CMIP: variants seen among roughly 807,000 people sequenced by gnomAD.
The protein encoded by CMIP is C-Maf-inducing protein.
CMIP carries 13 observed loss-of-function variants against 97.3 expected under a neutral mutation model. The observed-to-expected ratio is 0.13, with a 90% CI of 0.09 to 0.21. The LOEUF is 0.21. CMIP is among the 10% of genes least tolerant of loss of function. The pLI, the probability that CMIP is intolerant of heterozygous loss-of-function variation, is 1.00. For synonymous variants in CMIP, 538 were observed against 436.3 expected (o/e 1.23, Z -2.91); for missense variants, 847 against 1,024.9 (o/e 0.83, Z 2.37).
At chr16:81,681,804 C>G (rs1238395272) in intron 10 of CMIP, among the ~76,000 whole-genome samples, 1 of 152,036 alleles carries the variant, frequency 6.6e-6, no homozygotes, top group Non-Finnish European at 1.5e-5. Context: ...CTCCTCTGGG[C>G]CTCAGTTTTC....
In CMIP at chr16:81,571,776, C is replaced by A. The variant is rs574328172; in HGVS notation, c.301-35791C>A. 2.0e-5 allele frequency among the ~76,000 whole-genome samples: 3 copies of A among 152,260 alleles called. No homozygotes were observed. In the East Asian group the frequency reaches 5.8e-4, roughly 29 times the overall value. On this transcript the variant is annotated intron_variant, in intron 1 of 20. Transcript: ENST00000537098. ...CCATTCAGCACCATGGCTGCTCATA[C>A]CCTGCCTCGACCGTGCGCGGGAGCC...
At position 81,568,427 on chromosome 16, in the gene CMIP, G is replaced by T. The variant is rs371438521; in HGVS notation, c.301-39140G>T. ...GATCAGCAAAAGCCTCAAAGTCCGT[G>T]GGCCGTGTGTCTCCCATCTCATTGT... On this transcript the variant is annotated intron_variant, in intron 1 of 20. Transcript: ENST00000537098. Among the ~76,000 whole-genome samples, 10 of 152,270 alleles carry T rather than the reference G, an allele frequency of 6.6e-5. No individual in the cohort carries two copies. In the South Asian group the frequency reaches 1.9e-3, roughly 28 times the overall value.
intron 17 of CMIP, among the ~76,000 whole-genome samples, chr16:81,703,287 G>T (rs73602424): frequency 1.6e-4 from 24 of 151,898 alleles, no homozygotes; most frequent in Non-Finnish European, 3.1e-4. Context: ...CCTTCATTCC[G>T]GGCAGCCACA....
intron 18 of CMIP, 114 bp from the exon 19 acceptor site, chr16:81,705,385 A>T (rs1027614144): frequency 1.4e-6 from 1 of 720,558 alleles, no homozygotes; most frequent in African/African-American, 1.8e-5. Flanking sequence ...TTGGTGGGCC[A>T]TGGGCCTCAG....
chr16:81,445,525 G>A lies in CMIP; in HGVS notation c.284G>A (p.Ser95Asn). 7 of 1,548,702 alleles carry A rather than the reference G, an allele frequency of 4.5e-6. No individual in the cohort carries two copies. Among genetic ancestry groups the A allele is most frequent in the Non-Finnish European group, 6.1e-6 (7 of 1,146,758 alleles). Residue 95 changes from serine (S) to asparagine (N), a missense_variant, in exon 1 of 21, where the codon AGC becomes AAC. Physicochemically the swap from Ser to Asn is conservative, Grantham distance 46. This residue lies in a region of CMIP where 285 missense variants were observed against 392.2 expected (regional missense o/e 0.73). Transcript: ENST00000537098. ...EPHHLTLADN[S>N]LASATPTGYM... The stretch of plus-strand genomic sequence containing the variant: ...CACCACCTAACGCTGGCCGACAACA[G>A]CCTGGCGTCCGCCACGGTGAGTGGC...
intron 10 of CMIP, among the ~76,000 whole-genome samples, chr16:81,682,567 C>CA (rs113037541): frequency 2.2e-3 from 291 of 134,952 alleles, no homozygotes; most frequent in Non-Finnish European, 2.7e-3. Flanking sequence ...CTCCCATCTC[C>CA]AAAAAAAAAA....
chr16:81,636,959 G>A (rs551570519), intron 3 of CMIP, among the ~76,000 whole-genome samples: 116 of 152,090 alleles, frequency 7.6e-4, no homozygotes, highest in African/African-American at 2.6e-3. Flanking sequence ...TGGAATCCAC[G>A]GCAGATCTTG....
Position 81,660,916 on chromosome 16 carries a change from A to G in CMIP, c.714A>G (p.Pro238=), listed in dbSNP as rs1000192310. Residue 238 remains proline, a synonymous_variant, in exon 6 of 21, where the codon CCA becomes CCG. Coordinates refer to ENST00000537098, the MANE Select transcript of CMIP (RefSeq NM_198390.3). The part of the protein sequence containing the change: ...AIAPLLENNH[P]PPDLCEFFCK... Reference sequence around the variant, plus strand: ...CTCCTTTGCTGGAAAACAACCACCCACCACCAGATCTCTGTGAATTCTTTT... The same window carrying G: ...CTCCTTTGCTGGAAAACAACCACCCGCCACCAGATCTCTGTGAATTCTTTT... 3 of 1,613,750 alleles carry G rather than the reference A, an allele frequency of 1.9e-6. No homozygotes were observed. The African/African-American group carries it at 4.0e-5, about 22-fold the overall frequency.
intron 1 of CMIP, among the ~76,000 whole-genome samples, chr16:81,573,833 G>T (rs934452680): frequency 9.9e-5 from 15 of 152,194 alleles, no homozygotes; most frequent in African/African-American, 3.6e-4. Flanking sequence ...CGCATGCGTG[G>T]CCCAGAGGCA....
At chr16:81,520,091 C>T (rs1281088130) in intron 1 of CMIP, 2 of 152,234 alleles carry the variant, frequency 1.3e-5, no homozygotes, top group East Asian at 1.9e-4. Flanking sequence ...GTTTCAAGGC[C>T]TTGGAGAGTG....
intron 1 of CMIP, among the ~76,000 whole-genome samples, chr16:81,545,934 C>T (rs1468180274): frequency 1.3e-5 from 2 of 152,104 alleles, no homozygotes; most frequent in African/African-American, 4.8e-5. Flanking sequence ...CCCCTCACTG[C>T]AGGTAGATCT....
At chr16:81,678,782 A>T (rs994760022) in intron 10 of CMIP, among the ~76,000 whole-genome samples, 154 bp downstream of exon 10, 1 of 152,202 alleles carries the variant, frequency 6.6e-6, no homozygotes, top group African/African-American at 2.4e-5. Flanking sequence ...TGTGTGCAAG[A>T]GTGTGCATAA....
intron 1 of CMIP, among the ~76,000 whole-genome samples, chr16:81,495,990 C>G (rs1020529806): frequency 6.6e-6 from 1 of 152,192 alleles, no homozygotes; most frequent in African/African-American, 2.4e-5. Context: ...ATGAAGCTGG[C>G]AGGGGCGCAA....
chr16:81,690,253 C>A (rs1905902713), intron 10 of CMIP, among the ~76,000 whole-genome samples: 2 of 152,136 alleles, frequency 1.3e-5, no homozygotes, highest in African/African-American at 4.8e-5. Flanking sequence ...GGCAGTATGG[C>A]CATTTTCACG....
In CMIP at chr16:81,445,214, GC is replaced by G; in HGVS notation, c.-23del. 3.1e-6 allele frequency: 2 copies of G among 636,400 alleles called. No individual in the cohort carries two copies. Among genetic ancestry groups the G allele is most frequent in the Non-Finnish European group, 5.0e-6 (2 of 403,258 alleles). The allele number at this position is 636,400 out of a possible 1,614,324, so 39.4% of individuals were successfully genotyped here. On this transcript the variant is annotated 5_prime_UTR_variant, in exon 1 of 21. Coordinates refer to ENST00000537098, the MANE Select transcript of CMIP (RefSeq NM_198390.3). ...CAGCCCAGGACAGCCCCCTCTCCCC[GC>G]CCCCAGCCCCCTCCCCCGGCGCGGC... is the stretch of plus-strand genomic sequence containing the variant.
chr16:81,682,376 C>G (rs771374872), intron 10 of CMIP, among the ~76,000 whole-genome samples: 2 of 152,126 alleles, frequency 1.3e-5, no homozygotes, highest in African/African-American at 4.8e-5. Flanking sequence ...ACCAGCCTTA[C>G]CAACATGGAG....
chr16:81,537,929 G>A (rs1358873063), intron 1 of CMIP, among the ~76,000 whole-genome samples: 1 of 152,240 alleles, frequency 6.6e-6, no homozygotes, highest in African/African-American at 2.4e-5. Flanking sequence ...AGAGCCCTGG[G>A]TGCAGAGTCT....
intron 1 of CMIP, among the ~76,000 whole-genome samples, chr16:81,528,948 C>G (rs1327250663): frequency 6.6e-6 from 1 of 152,050 alleles, no homozygotes; most frequent in Non-Finnish European, 1.5e-5. Context: ...TCCATGCACC[C>G]ACCCGTCCAT....
chr16:81,675,108 G>A (rs912782029), intron 9 of CMIP, among the ~76,000 whole-genome samples: 1 of 152,164 alleles, frequency 6.6e-6, no homozygotes, highest in Non-Finnish European at 1.5e-5. Flanking sequence ...CTGTTCTCCA[G>A]GCAAGAAGCA....
Sources: gnomAD v4.1 joint callset for allele counts (sites outside exome capture counted in the v4.1 genomes callset) on GRCh38, gnomAD v4.1.1 for gene constraint, gnomAD v4.1.1 regional missense constraint, MANE v1.5 for transcripts, NCBI Gene and HGNC (gene_info 2026-07-23, HGNC 2026-07-21) for gene names.